The following NKAIN2 variants were observed in gnomAD, a reference collection of about 807,000 sequenced individuals.
NKAIN2 encodes the protein sodium/potassium-transporting ATPase subunit beta-1-interacting protein 2.
Under a neutral mutation model 32.6 loss-of-function variants are expected in NKAIN2, and 14 were observed. That is an observed-to-expected ratio of 0.43 (90% confidence interval 0.28 to 0.67). NKAIN2 has a LOEUF of 0.67. Ranked by LOEUF, NKAIN2 falls within the 30% of genes least tolerant of loss-of-function variation. The pLI is 0.17. For synonymous variants in NKAIN2, 80 were observed against 87.2 expected (o/e 0.92, Z 0.46); for missense variants, 198 against 258.3 (o/e 0.77, Z 1.60).
At position 124,759,657 on chromosome 6, in the gene NKAIN2, C is replaced by CACACACACACACA. The variant is rs1562367850; in HGVS notation, c.475-31682_475-31681insACACACACACACA. 1.9e-3 allele frequency among the ~76,000 whole-genome samples: 147 copies of CACACACACACACA among 75,454 alleles called. 18 individuals carry two copies. Among genetic ancestry groups the CACACACACACACA allele is most frequent in the East Asian group, 6.3e-3 (16 of 2,536 alleles). The allele number at this position is 75,454 out of a possible 152,430, so 49.5% of individuals were successfully genotyped here. A position where few individuals can be genotyped will look rare whatever the true frequency, so the allele number is the denominator to read the frequency against. On this transcript the variant is annotated intron_variant, in intron 4 of 6. Coordinates refer to ENST00000368417, the MANE Select transcript of NKAIN2 (RefSeq NM_001040214.3). ...CACACACACACACACACACACACAC[C>CACACACACACACA]CCCTATCTCCCTTTCCTGCCTTATT...
chr6:124,355,447 C>A, intron 3 of NKAIN2, 100 bp downstream of exon 3: 1 of 672,996 alleles, frequency 1.5e-6, no homozygotes, highest in Non-Finnish European at 2.7e-6. Flanking sequence ...TTAGCTGCAC[C>A]TCAATGAAAG....
rs377602400 is a variant in NKAIN2 at position 124,015,436 on chromosome 6, CT to C, written c.54+211184del. Among the ~76,000 whole-genome samples, 10 of 152,248 alleles carry C rather than the reference CT, an allele frequency of 6.6e-5. No homozygotes were observed. In the East Asian group the frequency reaches 1.9e-3, roughly 29 times the overall value. On this transcript the variant is annotated intron_variant, in intron 1 of 6. Transcript: ENST00000368417. ...TCTGTAGGGCTTCTGAATTTTAATT[CT>C]TCATTCTCTTAAGTCTTTAGATTGA... is the stretch of plus-strand genomic sequence containing the variant.
intron 2 of NKAIN2, among the ~76,000 whole-genome samples, chr6:124,285,231 C>CT (rs1554277398): frequency 6.6e-6 from 1 of 152,004 alleles, no homozygotes; most frequent in African/African-American, 2.4e-5. Flanking sequence ...AAATGATAAA[C>CT]TTTTTTTTCC....
At chr6:124,688,192 C>T (rs1774081834) in intron 4 of NKAIN2, among the ~76,000 whole-genome samples, 1 of 151,904 alleles carries the variant, frequency 6.6e-6, no homozygotes, top group East Asian at 1.9e-4. Flanking sequence ...AGTGTTAATC[C>T]GTTACCACAT....
chr6:124,278,650 C>CATATGTATAT (rs397948818), intron 1 of NKAIN2, among the ~76,000 whole-genome samples: 10 of 68,986 alleles, frequency 1.4e-4, no homozygotes, highest in Middle Eastern at 0.01. Context: ...ATACATAGCT[C>CATATGTATAT]ATATATATAT....
intron 4 of NKAIN2, among the ~76,000 whole-genome samples, chr6:124,667,314 G>T (rs560371278): frequency 9.2e-5 from 14 of 152,206 alleles, no homozygotes; most frequent in Non-Finnish European, 1.8e-4. Flanking sequence ...TCTTAGTAAT[G>T]TGAGATTTAA....
At chr6:124,219,498 A>C (rs1331864404) in intron 1 of NKAIN2, among the ~76,000 whole-genome samples, 1 of 151,878 alleles carries the variant, frequency 6.6e-6, no homozygotes, top group Non-Finnish European at 1.5e-5. Flanking sequence ...GGGTGTTCTC[A>C]AACTCCTGAC....
intron 1 of NKAIN2, among the ~76,000 whole-genome samples, chr6:124,253,831 CTTTTTTTTT>C (rs774924597): frequency 4.5e-4 from 61 of 134,136 alleles, no homozygotes; most frequent in Non-Finnish European, 8.7e-4. Context: ...CAATGTTCTA[CTTTTTTTTT>C]TTTTTTTTTT....
chr6:124,211,577 G>T (rs1456828731), intron 1 of NKAIN2, among the ~76,000 whole-genome samples: 2 of 151,930 alleles, frequency 1.3e-5, no homozygotes, highest in African/African-American at 4.8e-5. Context: ...TCTTGGAAAT[G>T]TCTAAGAGTT....
At chr6:124,077,437 G>A (rs1344177656) in intron 1 of NKAIN2, among the ~76,000 whole-genome samples, 1 of 152,164 alleles carries the variant, frequency 6.6e-6, no homozygotes, top group African/African-American at 2.4e-5. Flanking sequence ...CTCAGAAGGA[G>A]CAACTTCACT....
At chr6:124,291,383 A>G (rs1313015224) in intron 2 of NKAIN2, among the ~76,000 whole-genome samples, 2 of 151,996 alleles carry the variant, frequency 1.3e-5, no homozygotes, top group African/African-American at 4.8e-5. Flanking sequence ...CTTATAGAAG[A>G]CTTTGTTGTG....
intron 4 of NKAIN2, among the ~76,000 whole-genome samples, chr6:124,787,742 A>G (rs1483201564): frequency 2.0e-5 from 3 of 152,090 alleles, no homozygotes; most frequent in Non-Finnish European, 4.4e-5. Flanking sequence ...GTGTAGAAAA[A>G]TGGCATAGTT....
At chr6:124,409,003 T>C (rs1303504818) in intron 3 of NKAIN2, among the ~76,000 whole-genome samples, 2 of 152,196 alleles carry the variant, frequency 1.3e-5, no homozygotes, top group Non-Finnish European at 2.9e-5. Context: ...TTGTCTGTTA[T>C]TGGTGTATAA....
At chr6:124,085,379 A>G (rs1784149268) in intron 1 of NKAIN2, among the ~76,000 whole-genome samples, 1 of 152,048 alleles carries the variant, frequency 6.6e-6, no homozygotes, top group African/African-American at 2.4e-5. Context: ...GTAGCAAATA[A>G]TATAACAGTA....
At chr6:124,677,584 C>A (rs948262334) in intron 4 of NKAIN2, among the ~76,000 whole-genome samples, 2 of 152,132 alleles carry the variant, frequency 1.3e-5, no homozygotes, top group African/African-American at 2.4e-5. Context: ...ATCACAACTT[C>A]AATCAAATAC....
chr6:124,777,950 C>CAG (rs1437010021), intron 4 of NKAIN2, among the ~76,000 whole-genome samples: 3 of 126,908 alleles, frequency 2.4e-5, no homozygotes, highest in Non-Finnish European at 4.8e-5. Flanking sequence ...ATCACATTCA[C>CAG]ACACACACAC....
intron 4 of NKAIN2, among the ~76,000 whole-genome samples, chr6:124,771,749 A>AT (rs1370548029): frequency 3.3e-5 from 5 of 152,116 alleles, no homozygotes; most frequent in Admixed American, 1.3e-4. Flanking sequence ...CTGAATCTAA[A>AT]TTTTTTTTAA....
chr6:124,013,209 T>C (rs1248712694), intron 1 of NKAIN2, among the ~76,000 whole-genome samples: 1 of 152,222 alleles, frequency 6.6e-6, no homozygotes, highest in Non-Finnish European at 1.5e-5. Context: ...ATTTTTTAAA[T>C]ATACTGGATA....
intron 3 of NKAIN2, among the ~76,000 whole-genome samples, chr6:124,652,430 T>C (rs950023891): frequency 6.6e-5 from 10 of 152,196 alleles, no homozygotes; most frequent in African/African-American, 2.4e-4. Context: ...TTTTCTAGCA[T>C]TCATTTCAAA....
Sources: gnomAD v4.1 joint callset for allele counts (sites outside exome capture counted in the v4.1 genomes callset) on GRCh38, gnomAD v4.1.1 for gene constraint, MANE v1.5 for transcripts, NCBI Gene and HGNC (gene_info 2026-07-23, HGNC 2026-07-21) for gene names.